The following HBS1L variants were observed in gnomAD, a reference collection of about 807,000 sequenced individuals.
The protein encoded by HBS1L is HBS1-like protein.
In HBS1L, 55 loss-of-function variants were observed where a neutral mutation model predicts 88.9. The observed-to-expected ratio is 0.62, with a 90% confidence interval of 0.50 to 0.77. The LOEUF (loss-of-function observed/expected upper bound fraction) is 0.77, where lower values mean the gene tolerates loss of function less well. HBS1L is among the 30% of genes least tolerant of loss of function. HBS1L has a pLI of 0.00. For missense variants in HBS1L, 741 were observed against 829.3 expected (o/e 0.89, Z 1.31); for synonymous variants, 267 against 288.5 (o/e 0.93, Z 0.76).
chr6:135,020,823 GAAATCTAA>G (rs760283358), intron 4 of HBS1L, among the ~76,000 whole-genome samples: 12 of 151,856 alleles, frequency 7.9e-5, no homozygotes, highest in Non-Finnish European at 1.8e-4. Flanking sequence ...GGAATACTAT[GAAATCTAA>G]ATTTATCGGT....
At chr6:135,023,352 G>A (rs1342110933) in intron 4 of HBS1L, among the ~76,000 whole-genome samples, 4 of 152,184 alleles carry the variant, frequency 2.6e-5, no homozygotes, top group Non-Finnish European at 4.4e-5. Context: ...GCTGAGGCAG[G>A]AGAGTGGTGT....
intron 15 of HBS1L, among the ~76,000 whole-genome samples, chr6:134,977,020 T>C (rs4637662): frequency 0.46 from 70,546 of 151,812 alleles, 16,776 homozygotes; most frequent in South Asian, 0.56. Flanking sequence ...TGTAGTATTA[T>C]GGCATTAGTC....
chr6:134,975,508 T>C (rs1774616959), intron 15 of HBS1L, among the ~76,000 whole-genome samples: 1 of 152,160 alleles, frequency 6.6e-6, no homozygotes, highest in South Asian at 2.1e-4. Flanking sequence ...CTTCAAATTA[T>C]ACTACAGGCT....
intron 4 of HBS1L, among the ~76,000 whole-genome samples, chr6:135,017,606 C>T (rs1307965277): frequency 6.6e-6 from 1 of 151,666 alleles, no homozygotes; most frequent in Non-Finnish European, 1.5e-5. Context: ...AAAATTTATT[C>T]CACATTTAAA....
intron 4 of HBS1L, among the ~76,000 whole-genome samples, chr6:135,032,956 G>C (rs4134030): frequency 6.6e-6 from 1 of 151,860 alleles, no homozygotes; most frequent in Non-Finnish European, 1.5e-5. Flanking sequence ...GTTTTAAAAA[G>C]TGCTCTGTAC....
chr6:134,970,840 A>C (rs888270224), intron 15 of HBS1L, among the ~76,000 whole-genome samples: 3 of 152,220 alleles, frequency 2.0e-5, no homozygotes, highest in Admixed American at 1.3e-4. Flanking sequence ...TCCTCGCTCA[A>C]ATAATAAGTG....
At chr6:135,008,977 T>C (rs894981873) in intron 4 of HBS1L, among the ~76,000 whole-genome samples, 3 of 152,154 alleles carry the variant, frequency 2.0e-5, no homozygotes, top group Non-Finnish European at 4.4e-5. Flanking sequence ...TAGATGGCAA[T>C]AACCTCCTCA....
intron 15 of HBS1L, among the ~76,000 whole-genome samples, chr6:134,976,253 A>C (rs563138048): frequency 5.3e-5 from 8 of 152,274 alleles, no homozygotes; most frequent in Non-Finnish European, 8.8e-5. Context: ...AAGTCAAAAA[A>C]CAATAGATGT....
At chr6:135,042,734 A>G (rs1183612228) in intron 2 of HBS1L, among the ~76,000 whole-genome samples, 1 of 151,112 alleles carries the variant, frequency 6.6e-6, no homozygotes. Context: ...AACCGTTTGA[A>G]CCCAGGAGGC....
chr6:135,031,609 T>G (rs1387861051), intron 4 of HBS1L, among the ~76,000 whole-genome samples: 1 of 151,902 alleles, frequency 6.6e-6, no homozygotes, highest in Admixed American at 6.5e-5. Flanking sequence ...GCACCTTGGA[T>G]GAGGAAGACA....
chr6:135,003,979 A>G (rs944544151), intron 4 of HBS1L, among the ~76,000 whole-genome samples: 3 of 152,352 alleles, frequency 2.0e-5, no homozygotes, highest in South Asian at 2.1e-4. Flanking sequence ...TACATAATTC[A>G]TTGAACTTTT....
chr6:135,007,128 A>C (rs1775636469), intron 4 of HBS1L, among the ~76,000 whole-genome samples: 1 of 152,228 alleles, frequency 6.6e-6, no homozygotes, highest in Admixed American at 6.5e-5. Context: ...GCACACAAAA[A>C]AATTACAATG....
chr6:135,003,343 CT>C (rs1288914991), intron 4 of HBS1L, among the ~76,000 whole-genome samples: 1 of 152,042 alleles, frequency 6.6e-6, no homozygotes, highest in Non-Finnish European at 1.5e-5. Context: ...ACTAGACTTA[CT>C]AAAATACTGA....
rs201262719 is a variant in HBS1L, at chr6:134,986,120, G to A, written c.1369C>T (p.Gln457Ter). 6.2e-7 allele frequency: 1 copy of A among 1,602,210 alleles called. No homozygotes were observed. The highest frequency in any genetic ancestry group is 1.3e-5 in the African/African-American group (1 of 74,590). Residue 457 changes from glutamine to a stop codon, truncating the protein, a stop_gained, in exon 11 of 18, where the codon CAG becomes TAG. Coordinates refer to ENST00000367837, the MANE Select transcript of HBS1L (RefSeq NM_006620.4). LOFTEE classifies it high-confidence loss of function. ...TACCATTTTGTGAGTTCACTTGACT[G>A]AGATCTTGTGATTAGATTTTCACCA... ...LSGENLITRS[Q>*]SSELTKWYKG...
At chr6:135,043,408 A>G (rs1776812279) in intron 2 of HBS1L, among the ~76,000 whole-genome samples, 1 of 152,260 alleles carries the variant, frequency 6.6e-6, no homozygotes, top group Non-Finnish European at 1.5e-5. Flanking sequence ...GGGAAGCTAC[A>G]TTCAAAATTT....
At chr6:134,969,514 G>A (rs908765593) in intron 15 of HBS1L, among the ~76,000 whole-genome samples, 176 bp from the exon 16 acceptor site, 1 of 152,070 alleles carries the variant, frequency 6.6e-6, no homozygotes, top group Non-Finnish European at 1.5e-5. Context: ...AACTCACTAA[G>A]AGGAAAAAAG....
chr6:135,011,583 T>C (rs915895260), intron 4 of HBS1L, among the ~76,000 whole-genome samples: 9 of 152,014 alleles, frequency 5.9e-5, no homozygotes, highest in African/African-American at 2.2e-4. Context: ...GAGGAAAATA[T>C]ATGCAAGGGG....
chr6:134,997,784 T>C, intron 5 of HBS1L, 128 bp from the exon 6 acceptor site: 2 of 857,556 alleles, frequency 2.3e-6, no homozygotes, highest in African/African-American at 3.4e-5. Context: ...CTCTGCTAAG[T>C]AGCTAAAGTC....
intron 15 of HBS1L, among the ~76,000 whole-genome samples, chr6:134,974,775 C>T (rs1469551005): frequency 2.6e-5 from 4 of 151,936 alleles, no homozygotes; most frequent in Non-Finnish European, 5.9e-5. Flanking sequence ...ATAATAAAAG[C>T]CACATATGAC....
Sources: allele counts gnomAD v4.1 joint callset (sites outside exome capture counted in the v4.1 genomes callset), GRCh38; gene constraint gnomAD v4.1.1; transcripts MANE v1.5; gene names NCBI Gene and HGNC (gene_info 2026-07-23, HGNC 2026-07-21).